ERC2: variants seen among roughly 807,000 people sequenced by gnomAD.
The protein encoded by ERC2 is ERC protein 2.
In ERC2, 42 loss-of-function variants were observed where a neutral mutation model predicts 114.8. The observed-to-expected ratio is 0.37, with a 90% confidence interval of 0.29 to 0.47. ERC2 has a LOEUF of 0.47. ERC2 is among the 20% of genes least tolerant of loss of function. The pLI, the probability that ERC2 is intolerant of heterozygous loss-of-function variation, is 0.99. For synonymous variants in ERC2, 454 were observed against 425.5 expected (o/e 1.07, Z -0.82); for missense variants, 939 against 1,150.7 (o/e 0.82, Z 2.66).
intron 3 of ERC2, among the ~76,000 whole-genome samples, chr3:56,287,650 A>C (rs890378498): frequency 5.3e-5 from 8 of 152,216 alleles, no homozygotes; most frequent in Non-Finnish European, 7.3e-5. Flanking sequence ...GCAAGAAGCT[A>C]GAAGACCAGA....
chr3:56,118,706 G>A (rs994611478), intron 6 of ERC2, among the ~76,000 whole-genome samples: 3 of 145,786 alleles, frequency 2.1e-5, no homozygotes, highest in East Asian at 2.0e-4. Context: ...GCGTGATCTC[G>A]GCTCACTGCA....
At chr3:55,606,257 C>T (rs1274980144) in intron 17 of ERC2, among the ~76,000 whole-genome samples, 1 of 152,154 alleles carries the variant, frequency 6.6e-6, no homozygotes, top group Non-Finnish European at 1.5e-5. Context: ...AGGGAAGGAG[C>T]TGGTTAGGTA....
intron 13 of ERC2, among the ~76,000 whole-genome samples, chr3:55,904,462 C>G (rs1431462454): frequency 6.6e-6 from 1 of 152,134 alleles, no homozygotes; most frequent in Non-Finnish European, 1.5e-5. Context: ...GTAAGAAGAG[C>G]CCTCATCTCA....
At chr3:56,465,057 A>C (rs1252116221) in intron 1 of ERC2, among the ~76,000 whole-genome samples, 1 of 152,196 alleles carries the variant, frequency 6.6e-6, no homozygotes, top group Non-Finnish European at 1.5e-5. Flanking sequence ...AGTTTCACCA[A>C]TGGGAAGAGA....
intron 16 of ERC2, among the ~76,000 whole-genome samples, chr3:55,694,827 C>T (rs948601398): frequency 6.6e-6 from 1 of 152,110 alleles, no homozygotes; most frequent in South Asian, 2.1e-4. Context: ...ACCCAAGACC[C>T]GGGAAGAGAA....
chr3:56,283,020 A>C (rs763222219), intron 3 of ERC2, among the ~76,000 whole-genome samples: 2 of 152,236 alleles, frequency 1.3e-5, no homozygotes, highest in Non-Finnish European at 2.9e-5. Context: ...GTGTCTCAGA[A>C]GTCCCCACGG....
At position 55,949,376 on chromosome 3, in the gene ERC2, A is replaced by G. The variant is rs377650159; in HGVS notation, c.2403+1049T>C. Among the ~76,000 whole-genome samples, 765 of 149,702 alleles carry G rather than the reference A, an allele frequency of 5.1e-3. 6 individuals are homozygous for G. The highest frequency in any genetic ancestry group is 0.018 in the African/African-American group (728 of 40,804). On this transcript the variant is annotated intron_variant, in intron 13 of 17. Transcript: ENST00000288221. ...CAGGGGGAGACTCCATCTCAAAAAG[A>G]AAAAAAAAAGTTTTGGGCCCACCTA...
rs563994099 is a variant in ERC2, at chr3:56,422,842, G to C, written c.657+11509C>G. ...ATAAAATAGAGATGCCATGTGTCTT[G>C]CAGGGCTGTTGAGCTCACACATGGA... On this transcript the variant is annotated intron_variant, in intron 2 of 17. Transcript: ENST00000288221. Among the ~76,000 whole-genome samples, 278 of 152,312 alleles carry C rather than the reference G, an allele frequency of 1.8e-3. 1 individual carries two copies. Among genetic ancestry groups the C allele is most frequent in the African/African-American group, 6.4e-3 (265 of 41,568 alleles).
rs117456086 is a variant in ERC2, at chr3:56,071,267, T to C, written c.1641+9550A>G. Reference sequence around the variant, plus strand: ...ATGGTGCCCAAGGCCTCATATGCCATAGGGACATGGAAAGAAGGAAAGGAA... The same window carrying C: ...ATGGTGCCCAAGGCCTCATATGCCACAGGGACATGGAAAGAAGGAAAGGAA... On this transcript the variant is annotated intron_variant, in intron 7 of 17. Coordinates refer to ENST00000288221, the MANE Select transcript of ERC2 (RefSeq NM_015576.3). Among the ~76,000 whole-genome samples the C allele has an allele frequency of 5.3e-5, 8 of 152,300 alleles. No individual in the cohort carries two copies. The East Asian group carries it at 1.4e-3, about 26-fold the overall frequency.
intron 17 of ERC2, among the ~76,000 whole-genome samples, chr3:55,666,563 A>T (rs982034942): frequency 6.6e-6 from 1 of 152,210 alleles, no homozygotes; most frequent in Non-Finnish European, 1.5e-5. Flanking sequence ...TTCCCAACCA[A>T]CCAGGAGCCA....
chr3:56,384,522 C>T (rs1295265753), intron 2 of ERC2, among the ~76,000 whole-genome samples: 1 of 152,048 alleles, frequency 6.6e-6, no homozygotes, highest in Non-Finnish European at 1.5e-5. Context: ...TATTCAAGTC[C>T]TTTTGCCCAT....
intron 16 of ERC2, among the ~76,000 whole-genome samples, chr3:55,684,351 C>T (rs1330904607): frequency 6.6e-6 from 1 of 151,954 alleles, no homozygotes; most frequent in Non-Finnish European, 1.5e-5. Flanking sequence ...ACTCCATCTA[C>T]TGGGGTGGAA....
rs532150651 is a variant in ERC2, at chr3:55,661,200, G to A, written c.*39+22594C>T. 7.2e-5 allele frequency among the ~76,000 whole-genome samples: 11 copies of A among 152,232 alleles called. No individual in the cohort carries two copies. In the South Asian group the frequency reaches 1.7e-3, roughly 23 times the overall value. Reference sequence around the variant, plus strand: ...GTAGGTCAGAATTTTGGCACAACACGGCTCAGTTCATTCTCTGCTGAGTTT... The same window carrying A: ...GTAGGTCAGAATTTTGGCACAACACAGCTCAGTTCATTCTCTGCTGAGTTT... On this transcript the variant is annotated intron_variant, in intron 17 of 17. Coordinates refer to ENST00000288221, the MANE Select transcript of ERC2 (RefSeq NM_015576.3).
intron 17 of ERC2, among the ~76,000 whole-genome samples, chr3:55,535,599 C>T (rs1032914048): frequency 8.5e-5 from 13 of 152,220 alleles, no homozygotes; most frequent in Non-Finnish European, 1.9e-4. Context: ...AGGTAAGGCT[C>T]ACACCCATGA....
chr3:55,654,097 A>G (rs2060758831), intron 17 of ERC2, among the ~76,000 whole-genome samples: 1 of 152,248 alleles, frequency 6.6e-6, no homozygotes, highest in African/African-American at 2.4e-5. Context: ...TTGATGAGGA[A>G]GGCTTGCCCC....
intron 14 of ERC2, among the ~76,000 whole-genome samples, chr3:55,833,272 C>T (rs1381946843): frequency 6.6e-6 from 1 of 150,406 alleles, no homozygotes; most frequent in Non-Finnish European, 1.5e-5. Context: ...CACAAAGATA[C>T]TCCTCGAGAA....
intron 3 of ERC2, among the ~76,000 whole-genome samples, chr3:56,208,950 C>A (rs1286658547): frequency 1.3e-5 from 2 of 152,086 alleles, no homozygotes; most frequent in Non-Finnish European, 1.5e-5. Context: ...AAATGAGGGG[C>A]CTGGTGACTT....
intron 15 of ERC2, among the ~76,000 whole-genome samples, chr3:55,717,510 C>G (rs566957627): frequency 1.1e-3 from 167 of 152,250 alleles, no homozygotes; most frequent in Non-Finnish European, 2.0e-3. Flanking sequence ...CTTTCATGCC[C>G]GTAAAGACCT....
chr3:56,019,653 T>A (rs1209839766), intron 7 of ERC2, among the ~76,000 whole-genome samples: 3 of 152,176 alleles, frequency 2.0e-5, no homozygotes, highest in African/African-American at 7.2e-5. Context: ...ATTTGGCAAC[T>A]AAGTCATGTG....
Sources: gnomAD v4.1 joint callset for allele counts (sites outside exome capture counted in the v4.1 genomes callset) on GRCh38, gnomAD v4.1.1 for gene constraint, MANE v1.5 for transcripts, NCBI Gene and HGNC (gene_info 2026-07-23, HGNC 2026-07-21) for gene names.